Variants in SUGCT observed in about 807,000 individuals in gnomAD.
SUGCT encodes succinyl-CoA:glutarate CoA-transferase.
SUGCT carries 41 observed loss-of-function variants against 55.0 expected under a neutral mutation model. The ratio of observed to expected loss-of-function variants is 0.74; its 90% CI spans 0.58 to 0.97. SUGCT has a LOEUF of 0.97. SUGCT is among the 50% of genes least tolerant of loss of function. SUGCT has a pLI of 0.00. For synonymous variants in SUGCT, 187 were observed against 200.4 expected (o/e 0.93, Z 0.56); for missense variants, 568 against 547.8 (o/e 1.04, Z -0.37).
chr7:40,548,409 G>A (rs546143686), intron 12 of SUGCT, among the ~76,000 whole-genome samples: 67 of 151,912 alleles, frequency 4.4e-4, no homozygotes, highest in Non-Finnish European at 7.8e-4. Context: ...TGTTGCTTAA[G>A]TGCATCTTGA....
At chr7:40,787,936 G>A (rs1025484688) in intron 13 of SUGCT, among the ~76,000 whole-genome samples, 4 of 152,062 alleles carry the variant, frequency 2.6e-5, no homozygotes, top group Admixed American at 1.3e-4. Flanking sequence ...TCCCCTGCCC[G>A]GTGGTAACAG....
intron 12 of SUGCT, among the ~76,000 whole-genome samples, chr7:40,728,829 G>T (rs1485004633): frequency 6.6e-6 from 1 of 152,158 alleles, no homozygotes; most frequent in Admixed American, 6.6e-5. Flanking sequence ...TGATGAAGAA[G>T]ACTTTATATA....
At chr7:40,459,292 A>G (rs950235665) in intron 11 of SUGCT, 94 bp downstream of exon 11, 2 of 790,892 alleles carry the variant, frequency 2.5e-6, no homozygotes, top group African/African-American at 3.5e-5. Flanking sequence ...CTTATTTGAG[A>G]TCAATTTGTA....
intron 12 of SUGCT, among the ~76,000 whole-genome samples, chr7:40,500,545 C>T (rs1792221603): frequency 6.6e-6 from 1 of 152,122 alleles, no homozygotes; most frequent in African/African-American, 2.4e-5. Flanking sequence ...CCTTATTCTT[C>T]CTGTCCCAGA....
At chr7:40,246,225 C>A (rs1423307925) in intron 7 of SUGCT, among the ~76,000 whole-genome samples, 1 of 151,122 alleles carries the variant, frequency 6.6e-6, no homozygotes, top group Non-Finnish European at 1.5e-5. Flanking sequence ...AGCTTAACTT[C>A]TTTAAGTAGA....
chr7:40,169,481 C>A (rs1406716559), intron 1 of SUGCT, among the ~76,000 whole-genome samples: 2 of 152,198 alleles, frequency 1.3e-5, no homozygotes, highest in Admixed American at 6.5e-5. Context: ...CCTGGGCACC[C>A]TCAGTCCTGC....
chr7:40,876,266 A>C, the SUGCT span, among the ~76,000 whole-genome samples: 2 of 152,108 alleles, frequency 1.3e-5, no homozygotes, highest in Non-Finnish European at 2.9e-5. Context: ...CTTCATCTCT[A>C]TCTCTCAGGT....
chr7:40,976,561 T>C, the SUGCT span, among the ~76,000 whole-genome samples: 3 of 152,346 alleles, frequency 2.0e-5, no homozygotes, highest in South Asian at 6.2e-4. Flanking sequence ...CTCATGCACA[T>C]GGGCCACCAA....
At chr7:40,950,457 C>T in the SUGCT span, among the ~76,000 whole-genome samples, 26 of 152,236 alleles carry the variant, frequency 1.7e-4, no homozygotes, top group South Asian at 6.2e-4. Flanking sequence ...TTTCTTTCTC[C>T]TGCCTGATTA....
intron 13 of SUGCT, among the ~76,000 whole-genome samples, chr7:40,800,278 A>T (rs1420789538): frequency 7.1e-6 from 1 of 140,538 alleles, no homozygotes. Context: ...GGGGTGTCGT[A>T]TTCATGACTT....
At chr7:40,752,451 G>T (rs1584386669) in intron 13 of SUGCT, among the ~76,000 whole-genome samples, 1 of 152,314 alleles carries the variant, frequency 6.6e-6, no homozygotes, top group East Asian at 1.9e-4. Context: ...CACCTCCCAG[G>T]TTTAAGCAAT....
intron 9 of SUGCT, among the ~76,000 whole-genome samples, chr7:40,370,527 C>G (rs1165839748): frequency 1.3e-5 from 2 of 149,798 alleles, no homozygotes; most frequent in African/African-American, 2.5e-5. Flanking sequence ...TGCAGAGATT[C>G]TTTTCATGAT....
intron 13 of SUGCT, among the ~76,000 whole-genome samples, chr7:40,765,531 G>A (rs1019078989): frequency 2.0e-5 from 3 of 151,038 alleles, no homozygotes; most frequent in Non-Finnish European, 2.9e-5. Context: ...AAAAAATAAC[G>A]AACTATTATA....
intron 12 of SUGCT, among the ~76,000 whole-genome samples, chr7:40,520,197 A>G: frequency 6.6e-6 from 1 of 152,174 alleles, no homozygotes; most frequent in Non-Finnish European, 1.5e-5. Context: ...AATAAAAACA[A>G]AACACTAAAA....
chr7:40,576,947 A>G (rs912177813), intron 12 of SUGCT, among the ~76,000 whole-genome samples: 2 of 152,174 alleles, frequency 1.3e-5, no homozygotes, highest in African/African-American at 4.8e-5. Context: ...GGGGCCAAGG[A>G]GAGTGATGCT....
intron 7 of SUGCT, among the ~76,000 whole-genome samples, chr7:40,268,602 T>C (rs1791773931): frequency 6.6e-6 from 1 of 152,200 alleles, no homozygotes; most frequent in Non-Finnish European, 1.5e-5. Flanking sequence ...GCTATAAAAA[T>C]TTGTGTCTAA....
At chr7:40,488,520 TA>T (rs959029479) in intron 11 of SUGCT, among the ~76,000 whole-genome samples, 7 of 152,186 alleles carry the variant, frequency 4.6e-5, no homozygotes, top group African/African-American at 1.7e-4. Flanking sequence ...ACACCATCAT[TA>T]CCATATGAGT....
At chr7:40,772,583 CTAT>C (rs1789216991) in intron 13 of SUGCT, among the ~76,000 whole-genome samples, 1 of 83,348 alleles carries the variant, frequency 1.2e-5, no homozygotes, top group Non-Finnish European at 2.9e-5. Flanking sequence ...TATCTGCTAT[CTAT>C]CTATCTATCT....
In SUGCT at chr7:40,237,624, T is replaced by G. The variant is rs1789099860; in HGVS notation, c.485-11T>G. The G allele has an allele frequency of 1.9e-6, 3 of 1,611,394 alleles. No homozygotes were observed. The highest frequency in any genetic ancestry group is 2.5e-6 in the Non-Finnish European group (3 of 1,177,652). On this transcript the variant is annotated splice_polypyrimidine_tract_variant and intron_variant, in intron 6 of 13. Transcript: ENST00000335693. ...GTGTGGTGCTGAATATGTTTATTTT[T>G]GTTGTTTTAGGGTATGGTCAGACAG...
Sources: allele counts gnomAD v4.1 joint callset (sites outside exome capture counted in the v4.1 genomes callset), GRCh38; gene constraint gnomAD v4.1.1; transcripts MANE v1.5; gene names NCBI Gene and HGNC (gene_info 2026-07-23, HGNC 2026-07-21).